TENM2: variants seen among roughly 807,000 people sequenced by gnomAD.
TENM2 encodes teneurin-2.
In TENM2, 52 loss-of-function variants were observed where a neutral mutation model predicts 245.2. The observed-to-expected ratio is 0.21, with a 90% confidence interval of 0.17 to 0.27. The LOEUF (loss-of-function observed/expected upper bound fraction) is 0.27, where lower values mean the gene tolerates loss of function less well. Among genes scored for constraint, TENM2 ranks in the 10% least tolerant of loss-of-function variants. TENM2 has a pLI of 1.00. For missense variants in TENM2, 3,046 were observed against 3,666.8 expected (o/e 0.83, Z 4.37); for synonymous variants, 1,363 against 1,438.9 (o/e 0.95, Z 1.19).
chr5:168,035,317 C>T (rs1409146794), intron 5 of TENM2, among the ~76,000 whole-genome samples: 4 of 151,894 alleles, frequency 2.6e-5, no homozygotes, highest in South Asian at 2.1e-4. Flanking sequence ...GCCAACATGG[C>T]GAAACCCTGT....
chr5:167,276,775 G>A, the TENM2 span, among the ~76,000 whole-genome samples: 2 of 151,952 alleles, frequency 1.3e-5, no homozygotes, highest in African/African-American at 2.4e-5. Context: ...TTGTTATACT[G>A]TATTGATTTT....
At chr5:167,096,458 CCA>C in the TENM2 span, among the ~76,000 whole-genome samples, 1 of 152,180 alleles carries the variant, frequency 6.6e-6, no homozygotes, top group African/African-American at 2.4e-5. Context: ...GAGTCCCTTA[CCA>C]CATACCTTCT....
At chr5:167,916,862 A>G (rs1159822584) in intron 3 of TENM2, among the ~76,000 whole-genome samples, 2 of 152,204 alleles carry the variant, frequency 1.3e-5, no homozygotes, top group African/African-American at 4.8e-5. Context: ...TCTGCCCTCC[A>G]CAGAACAGCA....
chr5:168,003,971 C>G (rs1177651654), intron 5 of TENM2, among the ~76,000 whole-genome samples: 1 of 152,132 alleles, frequency 6.6e-6, no homozygotes, highest in East Asian at 1.9e-4. Context: ...AATTGATCTC[C>G]ACGTAATTCA....
At position 168,145,203 on chromosome 5, in the gene TENM2, T is replaced by G. The variant is rs1418554511; in HGVS notation, c.2423-17408T>G. On this transcript the variant is annotated intron_variant, in intron 12 of 28. Transcript: ENST00000518659. ...AGTTTAATTAGATCCCATTTGTCAA[T>G]TTTGGCTTTTGTTGCCATTGCTTTT... is the stretch of plus-strand genomic sequence containing the variant. Among the ~76,000 whole-genome samples, 3 of 141,000 alleles carry G rather than the reference T, an allele frequency of 2.1e-5. No individual in the cohort carries two copies. The East Asian group carries it at 6.3e-4, about 30-fold the overall frequency. 92.5% of individuals were successfully genotyped at this position (141,000 alleles called of 152,430 possible).
chr5:167,196,488 ATATATATATGTG>A, the TENM2 span, among the ~76,000 whole-genome samples: 2 of 143,718 alleles, frequency 1.4e-5, no homozygotes, highest in Non-Finnish European at 3.0e-5. Flanking sequence ...ATATGTGTGT[ATATATATATGTG>A]TATATATATG....
At chr5:167,502,134 C>T (rs2127557800) in intron 2 of TENM2, among the ~76,000 whole-genome samples, 1 of 152,232 alleles carries the variant, frequency 6.6e-6, no homozygotes, top group East Asian at 1.9e-4. Context: ...ATATCGCCAG[C>T]ATACATATAT....
intron 9 of TENM2, among the ~76,000 whole-genome samples, chr5:168,113,371 T>C (rs1483736774): frequency 2.0e-5 from 3 of 152,128 alleles, no homozygotes; most frequent in African/African-American, 4.8e-5. Context: ...TAAAACAGAC[T>C]TCAAATAATT....
intron 3 of TENM2, among the ~76,000 whole-genome samples, chr5:167,919,721 A>C (rs1777209026): frequency 6.6e-6 from 1 of 152,234 alleles, no homozygotes; most frequent in Admixed American, 6.5e-5. Context: ...CCCCTTACAG[A>C]AAGCATATAG....
chr5:167,207,816 C>T, the TENM2 span, among the ~76,000 whole-genome samples: 2 of 152,158 alleles, frequency 1.3e-5, no homozygotes, highest in East Asian at 1.9e-4. Flanking sequence ...TGCACTGGTA[C>T]GATGCTGACT....
chr5:168,175,614 T>C (rs1759288731), intron 13 of TENM2, among the ~76,000 whole-genome samples: 1 of 152,230 alleles, frequency 6.6e-6, no homozygotes, highest in Admixed American at 6.5e-5. Context: ...AGGGCTGGGA[T>C]TGGAGCCCAG....
chr5:167,288,451 C>G (rs977269136), intron 1 of TENM2, among the ~76,000 whole-genome samples: 2 of 151,446 alleles, frequency 1.3e-5, no homozygotes, highest in Non-Finnish European at 2.9e-5. Context: ...CCCAGCTACT[C>G]AGCAGGCTGA....
At chr5:167,050,149 C>T in the TENM2 span, among the ~76,000 whole-genome samples, 1 of 152,232 alleles carries the variant, frequency 6.6e-6, no homozygotes, top group South Asian at 2.1e-4. Flanking sequence ...TCCCAACCCC[C>T]GGGCTGCGGA....
At chr5:167,203,922 G>A in the TENM2 span, among the ~76,000 whole-genome samples, 2 of 152,044 alleles carry the variant, frequency 1.3e-5, no homozygotes, top group Admixed American at 6.6e-5. Flanking sequence ...GGATGAAAAC[G>A]GAGGGAAGGA....
intron 7 of TENM2, among the ~76,000 whole-genome samples, chr5:168,082,683 C>T (rs1792108444): frequency 6.6e-6 from 1 of 152,222 alleles, no homozygotes; most frequent in African/African-American, 2.4e-5. Context: ...TCAGGACCCT[C>T]AGCTGCAGGT....
the TENM2 span, among the ~76,000 whole-genome samples, chr5:166,981,533 G>T: frequency 1.7e-3 from 254 of 152,244 alleles, 1 homozygote; most frequent in Non-Finnish European, 3.1e-3. Flanking sequence ...CCCCATGCTG[G>T]GCAGCTGTAT....
the TENM2 span, among the ~76,000 whole-genome samples, chr5:167,029,907 A>T: frequency 6.6e-6 from 1 of 152,328 alleles, no homozygotes; most frequent in Non-Finnish European, 1.5e-5. Flanking sequence ...CCTTGCTTGC[A>T]AACCACCTGA....
chr5:167,118,271 G>A, the TENM2 span, among the ~76,000 whole-genome samples: 1 of 152,308 alleles, frequency 6.6e-6, no homozygotes, highest in Non-Finnish European at 1.5e-5. Flanking sequence ...AAAACTGACA[G>A]AGGAGAGAGA....
chr5:167,080,587 C>T, the TENM2 span, among the ~76,000 whole-genome samples: 5 of 151,950 alleles, frequency 3.3e-5, no homozygotes, highest in Non-Finnish European at 5.9e-5. Context: ...CTGTGATTCT[C>T]GTGGGAAGCC....
Sources: gnomAD v4.1 joint callset for allele counts (sites outside exome capture counted in the v4.1 genomes callset) on GRCh38, gnomAD v4.1.1 for gene constraint, MANE v1.5 for transcripts, NCBI Gene and HGNC (gene_info 2026-07-23, HGNC 2026-07-21) for gene names.